SCUBE3: variants seen among roughly 807,000 people sequenced by gnomAD.
SCUBE3 encodes the protein signal peptide, CUB domain and EGF like domain containing 3, also known as signal peptide, CUB and EGF-like domain-containing protein 3.
A neutral mutation model predicts 116.8 loss-of-function variants in SCUBE3; 33 were observed. The ratio of observed to expected loss-of-function variants is 0.28; its 90% confidence interval spans 0.21 to 0.38. The LOEUF is 0.38. Ranked by LOEUF, SCUBE3 falls within the 10% of genes least tolerant of loss-of-function variation. SCUBE3 has a pLI of 1.00. For synonymous variants in SCUBE3, 418 were observed against 496.9 expected (o/e 0.84, Z 2.11); for missense variants, 1,007 against 1,324.8 (o/e 0.76, Z 3.72).
rs1784489464 is a variant in SCUBE3 at position 35,249,810 on chromosome 6, T to G, written c.*1105T>G. 1 of 152,652 alleles carries G rather than the reference T, an allele frequency of 6.6e-6. No homozygotes were observed. The highest frequency in any genetic ancestry group is 2.4e-5 in the African/African-American group (1 of 41,458). 9.5% of individuals were successfully genotyped at this position (152,652 alleles called of 1,614,324 possible). On this transcript the variant is annotated 3_prime_UTR_variant, in exon 22 of 22. Coordinates refer to ENST00000274938, the MANE Select transcript of SCUBE3 (RefSeq NM_152753.4). ...GCCACCTACCTCTGGCCTCAGGCTG[T>G]GGGCAGCAAAAGGAATGTGTGTGCA...
intron 1 of SCUBE3, among the ~76,000 whole-genome samples, chr6:35,218,831 A>C (rs2150282488): frequency 6.6e-6 from 1 of 152,254 alleles, no homozygotes; most frequent in East Asian, 1.9e-4. Context: ...TGCCAGCCTC[A>C]AGTGGCACCG....
chr6:35,249,002 AT>A lies in SCUBE3; in HGVS notation c.*301del. 1 of 297,320 alleles carries A rather than the reference AT, an allele frequency of 3.4e-6. No homozygotes were observed. The highest frequency in any genetic ancestry group is 6.2e-6 in the Non-Finnish European group (1 of 160,802). The allele number at this position is 297,320 out of a possible 1,614,324, so 18.4% of individuals were successfully genotyped here. A position where few individuals can be genotyped will look rare whatever the true frequency, so the allele number is the denominator to read the frequency against. ...AACAGTACAGCCCCTTCCACTGCCC[AT>A]TTTACCAGCTCACATTCCCGACCCC... On this transcript the variant is annotated 3_prime_UTR_variant, in exon 22 of 22. Transcript: ENST00000274938.
chr6:35,249,413 C>T lies in SCUBE3; in HGVS notation c.*708C>T, dbSNP rs1784475450. On this transcript the variant is annotated 3_prime_UTR_variant, in exon 22 of 22. Coordinates refer to ENST00000274938, the MANE Select transcript of SCUBE3 (RefSeq NM_152753.4). ...AATGAGGAAGAGCAGCAGGCATTGTCATGGTGAATGCCCCGCTGTAGCTCC... is the reference window on the plus strand; with the variant it reads ...AATGAGGAAGAGCAGCAGGCATTGTTATGGTGAATGCCCCGCTGTAGCTCC... The T allele has an allele frequency of 6.6e-6, 1 of 152,278 alleles. No individual in the cohort carries two copies. The highest frequency in any genetic ancestry group is 2.4e-5 in the African/African-American group (1 of 41,438). 9.4% of individuals were successfully genotyped at this position (152,278 alleles called of 1,614,324 possible). A position where few individuals can be genotyped will look rare whatever the true frequency, so the allele number is the denominator to read the frequency against.
At chr6:35,229,208 A>T (rs1783436891) in intron 3 of SCUBE3, among the ~76,000 whole-genome samples, 1 of 152,182 alleles carries the variant, frequency 6.6e-6, no homozygotes, top group Admixed American at 6.5e-5. Flanking sequence ...CAGGAGTTCA[A>T]GACAGGCCTG....
chr6:35,216,645 A>G (rs575481579), intron 1 of SCUBE3, among the ~76,000 whole-genome samples: 3 of 152,334 alleles, frequency 2.0e-5, no homozygotes, highest in Non-Finnish European at 4.4e-5. Flanking sequence ...ACAGTCTGTG[A>G]GCATCAGGGA....
Position 35,248,751 on chromosome 6 carries a change from T to C in SCUBE3, c.*46T>C. On this transcript the variant is annotated 3_prime_UTR_variant, in exon 22 of 22. Transcript: ENST00000274938. Reference sequence around the variant, plus strand: ...CAATTTTTTAAGCCCCCAGACTCCTTAGCCCTCAGAGCCGGCAGCCCCCTA... The same window carrying C: ...CAATTTTTTAAGCCCCCAGACTCCTCAGCCCTCAGAGCCGGCAGCCCCCTA... 2 of 1,562,638 alleles carry C rather than the reference T, an allele frequency of 1.3e-6. No individual in the cohort carries two copies. Among genetic ancestry groups the C allele is most frequent in the South Asian group, 1.1e-5 (1 of 88,270 alleles).
At position 35,239,929 on chromosome 6, in the gene SCUBE3, T is replaced by G; in HGVS notation, c.952+55T>G. On this transcript the variant is annotated intron_variant, in intron 8 of 21. Transcript: ENST00000274938. The surrounding 1 kb of genome is among the most constrained non-coding windows in gnomAD (Gnocchi z 4.1). ...TTAGGAGAGGTTCTTGTGGGAGAGC[T>G]TCAAGGAGGCCAGAGGGCTAAAGTC... 1 of 1,501,596 alleles carries G rather than the reference T, an allele frequency of 6.7e-7. No homozygotes were observed. The highest frequency in any genetic ancestry group is 2.4e-5 in the East Asian group (1 of 41,678). The allele number at this position is 1,501,596 out of a possible 1,614,324, so 93.0% of individuals were successfully genotyped here. A position where few individuals can be genotyped will look rare whatever the true frequency, so the allele number is the denominator to read the frequency against.
chr6:35,230,609 G>T (rs1177433950), intron 3 of SCUBE3, among the ~76,000 whole-genome samples: 1 of 152,178 alleles, frequency 6.6e-6, no homozygotes, highest in Non-Finnish European at 1.5e-5. Context: ...AGACAGGGAT[G>T]GGGAGAAGTC....
At chr6:35,215,165 A>T (rs1451432064) in intron 1 of SCUBE3, among the ~76,000 whole-genome samples, 2 of 152,180 alleles carry the variant, frequency 1.3e-5, no homozygotes, top group East Asian at 3.8e-4. Flanking sequence ...TTATCATAAT[A>T]TTTATTTATT....
chr6:35,222,427 A>G (rs1783151643), intron 1 of SCUBE3: 1 of 151,990 alleles, frequency 6.6e-6, no homozygotes, highest in Non-Finnish European at 1.5e-5. Context: ...ACTTTAGGAG[A>G]GTTTATGGAG....
chr6:35,218,221 T>G, intron 1 of SCUBE3: 1 of 805,480 alleles, frequency 1.2e-6, no homozygotes, highest in Non-Finnish European at 1.5e-6. Context: ...ATGTGAAGTG[T>G]GCATTCACAC....
chr6:35,229,384 C>T (rs964491788), intron 3 of SCUBE3, among the ~76,000 whole-genome samples: 3 of 152,108 alleles, frequency 2.0e-5, no homozygotes, highest in African/African-American at 7.2e-5. Context: ...CGCTCCAGAT[C>T]GAGCAATCTT....
rs1278312175 is a variant in SCUBE3 at position 35,243,313 on chromosome 6, C to A, written c.1909+77C>A. 8 of 1,243,250 alleles carry A rather than the reference C, an allele frequency of 6.4e-6. No individual in the cohort carries two copies. The highest frequency in any genetic ancestry group is 8.1e-6 in the Non-Finnish European group (7 of 863,736). 77.0% of individuals were successfully genotyped at this position (1,243,250 alleles called of 1,614,324 possible). Reference sequence around the variant, plus strand: ...TGACTCAGAGCAGGACCCTTTGTGGCCTCAGATGCATTTCTCAAATTATGA... The same window carrying A: ...TGACTCAGAGCAGGACCCTTTGTGGACTCAGATGCATTTCTCAAATTATGA... On this transcript the variant is annotated intron_variant, in intron 15 of 21. Transcript: ENST00000274938. The surrounding 1 kb of genome is among the most constrained non-coding windows in gnomAD (Gnocchi z 6.6).
chr6:35,223,076 C>T (rs1783177908), intron 1 of SCUBE3: 1 of 152,172 alleles, frequency 6.6e-6, no homozygotes, highest in Non-Finnish European at 1.5e-5. Flanking sequence ...GTCCCAGTTA[C>T]TCAGTAGGCT....
chr6:35,252,226 C>T lies in SCUBE3; in HGVS notation c.*3521C>T, dbSNP rs1353300953. ...CTCTTGGAGTCAGAAGAAAACTGAC[C>T]AGATCCTGGATCTGAGCTGCCTGCT... On this transcript the variant is annotated 3_prime_UTR_variant, in exon 22 of 22. Transcript: ENST00000274938. 1 of 152,202 alleles carries T rather than the reference C, an allele frequency of 6.6e-6. No homozygotes were observed. The highest frequency in any genetic ancestry group is 1.5e-5 in the Non-Finnish European group (1 of 68,056). 9.4% of individuals were successfully genotyped at this position (152,202 alleles called of 1,614,324 possible). A position where few individuals can be genotyped will look rare whatever the true frequency, so the allele number is the denominator to read the frequency against.
intron 2 of SCUBE3, 90 bp downstream of exon 2, chr6:35,227,792 C>G: frequency 7.4e-7 from 1 of 1,360,192 alleles, no homozygotes. Context: ...TCCATCACAT[C>G]AAGGCTAGAA....
Position 35,243,702 on chromosome 6 carries a change from C to T in SCUBE3, c.2018C>T (p.Pro673Leu), listed in dbSNP as rs750545009. ...GGGCAGCTCTCCTGCGACCTTTGCC[C>T]TGGGAGTGATGCCCACGGGCCTCTT... ...REGQLSCDLCPGSDAHGPLGA... is the reference protein window; with the variant it reads ...REGQLSCDLCLGSDAHGPLGA... Residue 673 changes from proline to leucine, a missense_variant, in exon 16 of 22, where the codon CCT (proline) becomes CTT (leucine). This residue lies in a region of SCUBE3 where 544 missense variants were observed against 638.9 expected (regional missense o/e 0.85). Transcript: ENST00000274938. The surrounding 1 kb of genome is among the most constrained non-coding windows in gnomAD (Gnocchi z 6.6). The T allele has an allele frequency of 1.2e-6, 2 of 1,614,146 alleles. No homozygotes were observed.
chr6:35,219,685 G>A lies in SCUBE3; in HGVS notation c.85+5182G>A, dbSNP rs1783050751. The stretch of plus-strand genomic sequence containing the variant: ...TCCCTCTGAAAGTGGGGAGTATCAG[G>A]ATATGTGGGCATTGGGGGGAGGGCT... On this transcript the variant is annotated intron_variant, in intron 1 of 21. Coordinates refer to ENST00000274938, the MANE Select transcript of SCUBE3 (RefSeq NM_152753.4). This position sits in a 1 kb window ranked among gnomAD's most constrained non-coding sequence, Gnocchi z 4.7. 6.6e-6 allele frequency among the ~76,000 whole-genome samples: 1 copy of A among 152,104 alleles called. No individual in the cohort carries two copies.
chr6:35,246,191 T>C lies in SCUBE3; in HGVS notation c.2753-15T>C. 1 of 1,613,956 alleles carries C rather than the reference T, an allele frequency of 6.2e-7. No individual in the cohort carries two copies. The highest frequency in any genetic ancestry group is 8.5e-7 in the Non-Finnish European group (1 of 1,179,806). ...GCTCCCGCCCCTGAGCCCCTCACCTTGGTTGACTTTGCAGAGGACTATGAG... is the reference window on the plus strand; with the variant it reads ...GCTCCCGCCCCTGAGCCCCTCACCTCGGTTGACTTTGCAGAGGACTATGAG... On this transcript the variant is annotated splice_polypyrimidine_tract_variant and intron_variant, in intron 20 of 21. Transcript: ENST00000274938.
Sources: allele counts gnomAD v4.1 joint callset (sites outside exome capture counted in the v4.1 genomes callset), GRCh38; gene constraint gnomAD v4.1.1; regional missense constraint gnomAD v4.1.1; non-coding constraint Gnocchi (gnomAD v3.1); transcripts MANE v1.5; gene names NCBI Gene and HGNC (gene_info 2026-07-23, HGNC 2026-07-21).